The following RNF130 variants were observed in gnomAD, a reference collection of about 807,000 sequenced individuals.
RNF130 encodes the protein E3 ubiquitin-protein ligase RNF130.
A neutral mutation model predicts 44.6 loss-of-function variants in RNF130; 21 were observed. The observed-to-expected ratio is 0.47, with a 90% CI of 0.33 to 0.68. RNF130 has a LOEUF of 0.68. Among genes scored for constraint, RNF130 ranks in the 30% least tolerant of loss-of-function variants. The pLI is 0.02. For synonymous variants in RNF130, 214 were observed against 210.4 expected (o/e 1.02, Z -0.15); for missense variants, 479 against 560.6 (o/e 0.85, Z 1.47).
chr5:179,952,946 T>C (rs1762148874), downstream of RNF130, among the ~76,000 whole-genome samples: 1 of 152,204 alleles, frequency 6.6e-6, no homozygotes, highest in Non-Finnish European at 1.5e-5. Flanking sequence ...CATGGATGTC[T>C]GTTTGCACCA....
chr5:179,965,983 T>C (rs1762434463), intron 7 of RNF130, among the ~76,000 whole-genome samples: 1 of 152,078 alleles, frequency 6.6e-6, no homozygotes, highest in Non-Finnish European at 1.5e-5. Flanking sequence ...CAGCAGCAGG[T>C]GCTGGGAAAG....
At chr5:180,020,826 A>G (rs986791675) in intron 2 of RNF130, among the ~76,000 whole-genome samples, 1 of 152,184 alleles carries the variant, frequency 6.6e-6, no homozygotes, top group Non-Finnish European at 1.5e-5. Context: ...CAAGCCACCA[A>G]TCAGTGGAGA....
chr5:180,070,133 C>T lies in RNF130; in HGVS notation c.247+1323G>A, dbSNP rs1010679949. On this transcript the variant is annotated intron_variant, in intron 1 of 8. Coordinates refer to ENST00000521389, the MANE Select transcript of RNF130 (RefSeq NM_018434.6). ...ACGGTTCTCTCCACCAGAAAAGAGG[C>T]TACCATTGTTAGTTGCCAGTCTGGC... Among the ~76,000 whole-genome samples, 5 of 152,226 alleles carry T rather than the reference C, an allele frequency of 3.3e-5. No homozygotes were observed. In the East Asian group the frequency reaches 9.6e-4, roughly 29 times the overall value.
At chr5:179,975,845 G>A (rs1476926805) in intron 5 of RNF130, among the ~76,000 whole-genome samples, 1 of 152,152 alleles carries the variant, frequency 6.6e-6, no homozygotes, top group Non-Finnish European at 1.5e-5. Flanking sequence ...TATGGTGGCA[G>A]GTGCAGCGCA....
exon 8 of RNF130, chr5:179,916,908 T>C (rs1417731619): frequency 6.6e-6 from 1 of 152,456 alleles, no homozygotes; most frequent in Non-Finnish European, 1.5e-5. Flanking sequence ...TCACCAAAGC[T>C]TGGCCAGGCG....
At chr5:180,064,249 T>C (rs988882544) in intron 1 of RNF130, among the ~76,000 whole-genome samples, 3 of 152,162 alleles carry the variant, frequency 2.0e-5, no homozygotes, top group African/African-American at 7.2e-5. Flanking sequence ...TTGGAGAAGA[T>C]GCTGGGAAAA....
intron 1 of RNF130, among the ~76,000 whole-genome samples, chr5:180,064,690 G>A (rs1765062101): frequency 6.6e-6 from 1 of 152,178 alleles, no homozygotes; most frequent in Non-Finnish European, 1.5e-5. Context: ...CATCCTGTGA[G>A]ATGAATACAC....
exon 8 of RNF130, chr5:179,918,881 C>T (rs1582119424): frequency 1.3e-5 from 2 of 152,290 alleles, no homozygotes; most frequent in African/African-American, 4.8e-5. Flanking sequence ...GTTATTGACG[C>T]GTTAGGAGAA....
chr5:179,930,989 C>G (rs1396493712), intron 7 of RNF130, among the ~76,000 whole-genome samples: 1 of 143,542 alleles, frequency 7.0e-6, no homozygotes, highest in Non-Finnish European at 1.5e-5. Flanking sequence ...GCTGAGATTG[C>G]ACCACTGCTC....
chr5:179,995,551 G>A (rs1214472581), intron 3 of RNF130, among the ~76,000 whole-genome samples: 1 of 152,192 alleles, frequency 6.6e-6, no homozygotes, highest in East Asian at 1.9e-4. Context: ...TATGAGCTAG[G>A]ACTGAGACTG....
rs1554105070 is a variant in RNF130 at position 180,021,042 on chromosome 5, C to CGCAATCTTGACTCACT, written c.443-7732_443-7731insAGTGAGTCAAGATTGC. 2.6e-5 allele frequency among the ~76,000 whole-genome samples: 4 copies of CGCAATCTTGACTCACT among 151,316 alleles called. No individual in the cohort carries two copies. The South Asian group carries it at 8.3e-4, about 32-fold the overall frequency. ...CTGTCGCCAGGCTGGAGTGCAGTGG[C>CGCAATCTTGACTCACT]GCAATCTCTGCCTCGCGGGTTCAAC... On this transcript the variant is annotated intron_variant, in intron 2 of 8. Coordinates refer to ENST00000521389, the MANE Select transcript of RNF130 (RefSeq NM_018434.6).
At chr5:179,935,972 A>G (rs1441786600) in intron 7 of RNF130, among the ~76,000 whole-genome samples, 1 of 152,190 alleles carries the variant, frequency 6.6e-6, no homozygotes, top group Non-Finnish European at 1.5e-5. Context: ...AGCGTCTCAC[A>G]CATCGAGCAG....
At chr5:180,055,527 G>A (rs1198412604) in intron 1 of RNF130, among the ~76,000 whole-genome samples, 2 of 151,956 alleles carry the variant, frequency 1.3e-5, no homozygotes, top group African/African-American at 4.8e-5. Flanking sequence ...TATACCAGTT[G>A]TCCTAAATAA....
chr5:179,947,360 CCACCT>C (rs1321890363), intron 7 of RNF130, among the ~76,000 whole-genome samples: 1 of 152,188 alleles, frequency 6.6e-6, no homozygotes, highest in Non-Finnish European at 1.5e-5. Flanking sequence ...CTCACCCACC[CCACCT>C]GTGTCCTAAA....
In RNF130 at chr5:179,963,529, T is replaced by G; in HGVS notation, c.1186A>C (p.Ser396Arg). The G allele has an allele frequency of 6.2e-7, 1 of 1,614,012 alleles. No homozygotes were observed. The highest frequency in any genetic ancestry group is 8.5e-7 in the Non-Finnish European group (1 of 1,179,894). The stretch of plus-strand genomic sequence containing the variant: ...ATCATGTAGCAGAGTGTGAGGGCAC[T>G]GAGGAGGCCAAAACTGGCAATAATA... ...WFIIASFGLL[S>R]ALTLCYMIIR... The change falls in exon 8 of 9, where the codon AGT becomes CGT. Residue 396 changes from serine (S) to arginine (R), a missense_variant. Physicochemically the swap from Ser to Arg is moderately radical, Grantham distance 110 (BLOSUM62 -1). Transcript: ENST00000521389.
chr5:179,952,789 C>CTATTTCA (rs1399431370), downstream of RNF130, among the ~76,000 whole-genome samples: 6 of 152,266 alleles, frequency 3.9e-5, 1 homozygote, highest in Admixed American at 2.6e-4. Flanking sequence ...GAATCAAAAA[C>CTATTTCA]TATTTCATGA....
At chr5:179,926,383 T>C (rs1397891247) in intron 7 of RNF130, among the ~76,000 whole-genome samples, 1 of 152,184 alleles carries the variant, frequency 6.6e-6, no homozygotes, top group Non-Finnish European at 1.5e-5. Context: ...CGGTGGCTCA[T>C]GCCTATAATC....
chr5:179,948,544 G>A (rs191393118), intron 7 of RNF130, among the ~76,000 whole-genome samples: 6 of 152,156 alleles, frequency 3.9e-5, no homozygotes, highest in South Asian at 2.1e-4. Context: ...GGTGGCAGGC[G>A]CCTGTAATCC....
chr5:180,028,760 A>G (rs576875146), intron 2 of RNF130, among the ~76,000 whole-genome samples: 1 of 152,238 alleles, frequency 6.6e-6, no homozygotes, highest in Non-Finnish European at 1.5e-5. Context: ...GCAGGTATAA[A>G]TCGATACCTG....
Sources: allele counts gnomAD v4.1 joint callset (sites outside exome capture counted in the v4.1 genomes callset), GRCh38; gene constraint gnomAD v4.1.1; transcripts MANE v1.5; gene names NCBI Gene and HGNC (gene_info 2026-07-23, HGNC 2026-07-21).